Variants in FBXO15 observed in about 807,000 individuals in gnomAD.
FBXO15 encodes F-box protein 15, also known as F-box only protein 15.
In FBXO15, 30 loss-of-function variants were observed where a neutral mutation model predicts 49.5. That is an observed-to-expected ratio of 0.61 (90% confidence interval 0.45 to 0.82). The LOEUF (loss-of-function observed/expected upper bound fraction) is 0.82, where lower values mean the gene tolerates loss of function less well. Among genes scored for constraint, FBXO15 ranks in the 40% least tolerant of loss-of-function variants. The probability of loss-of-function intolerance (pLI) is 0.00; values close to 1 mark genes in which losing one functional copy is unlikely to be tolerated. For missense variants in FBXO15, 591 were observed against 631.5 expected (o/e 0.94, Z 0.69); for synonymous variants, 250 against 232.7 (o/e 1.07, Z -0.68).
chr18:74,129,589 T>A lies in FBXO15; in HGVS notation c.601A>T (p.Ile201Leu). 1 of 1,611,778 alleles carries A rather than the reference T, an allele frequency of 6.2e-7. No individual in the cohort carries two copies. Among genetic ancestry groups the A allele is most frequent in the Non-Finnish European group, 8.5e-7 (1 of 1,179,728 alleles). The part of the protein sequence containing the change: ...LRIFGLGWAI[I>L]LKEKGGKEYI... ...TCTTTTCCACCTTTTTCTTTCAGTATAATTGCCCAACCTAAACCAAATATT... is the reference window on the plus strand; with the variant it reads ...TCTTTTCCACCTTTTTCTTTCAGTAAAATTGCCCAACCTAAACCAAATATT... The change falls in exon 5 of 10, where the codon ATA (isoleucine) becomes TTA (leucine). Residue 201 changes from isoleucine (I) to leucine (L), a missense_variant. Coordinates refer to ENST00000419743, the MANE Select transcript of FBXO15 (RefSeq NM_001142958.2).
chr18:74,086,560 G>A (rs761139839), intron 8 of FBXO15, among the ~76,000 whole-genome samples: 5 of 152,110 alleles, frequency 3.3e-5, no homozygotes, highest in Admixed American at 1.3e-4. Flanking sequence ...ACAGGCGCCC[G>A]CCACCACGCC....
At chr18:74,109,201 C>T (rs1361093651) in intron 8 of FBXO15, among the ~76,000 whole-genome samples, 13 of 152,138 alleles carry the variant, frequency 8.5e-5, no homozygotes, top group Non-Finnish European at 2.9e-5. Context: ...CAAAAGAAGA[C>T]ATTTATACAG....
At chr18:74,082,803 A>G (rs1912563425) in intron 8 of FBXO15, among the ~76,000 whole-genome samples, 1 of 152,254 alleles carries the variant, frequency 6.6e-6, no homozygotes, top group African/African-American at 2.4e-5. Context: ...CGACAGCAAC[A>G]CAACTCATAC....
In FBXO15 at chr18:74,123,465, G is replaced by A. The variant is rs369674506; in HGVS notation, c.1041C>T (p.Pro347=). ...GTTGGTAGCCGTGCAGTCCATACTC[G>A]GGGCTATCATCCAAAAAGGGGCTAT... ...PPHSPFLDDS[P]EYGLHGYQLH... is the part of the protein sequence containing the mutation. Residue 347 remains proline (P), a synonymous_variant, in exon 8 of 10, where the codon CCC becomes CCT. Transcript: ENST00000419743. 37 of 1,613,508 alleles carry A rather than the reference G, an allele frequency of 2.3e-5. No individual in the cohort carries two copies. The highest frequency in any genetic ancestry group is 1.6e-4 in the Middle Eastern group (1 of 6,082).
At position 74,074,912 on chromosome 18, in the gene FBXO15, T is replaced by C. The variant is rs1269445976; in HGVS notation, c.1264-1182A>G. Among the ~76,000 whole-genome samples, 1 of 152,196 alleles carries C rather than the reference T, an allele frequency of 6.6e-6. No individual in the cohort carries two copies. The highest frequency in any genetic ancestry group is 1.5e-5 in the Non-Finnish European group (1 of 68,032). On this transcript the variant is annotated intron_variant, in intron 9 of 9. Transcript: ENST00000419743. The surrounding 1 kb of genome is among the most constrained non-coding windows in gnomAD (Gnocchi z 4.7). ...TCTTCCTTTCCACTTTAGATTTCACTGGCCTTTGCTGGAATAACACTCTTG... is the reference window on the plus strand; with the variant it reads ...TCTTCCTTTCCACTTTAGATTTCACCGGCCTTTGCTGGAATAACACTCTTG...
chr18:74,125,319 C>A (rs73476534), intron 6 of FBXO15, among the ~76,000 whole-genome samples: 2 of 152,164 alleles, frequency 1.3e-5, no homozygotes, highest in Non-Finnish European at 2.9e-5. Flanking sequence ...GAAAAAGTGA[C>A]GGCCACAGTT....
chr18:74,126,931 C>G (rs73476537), intron 5 of FBXO15, among the ~76,000 whole-genome samples: 3 of 152,168 alleles, frequency 2.0e-5, no homozygotes, highest in African/African-American at 7.2e-5. Flanking sequence ...TAAGGAGAGA[C>G]GGTCGGTGAA....
intron 8 of FBXO15, among the ~76,000 whole-genome samples, chr18:74,110,927 C>G (rs1290419084): frequency 6.6e-6 from 1 of 152,062 alleles, no homozygotes; most frequent in East Asian, 1.9e-4. Context: ...ACTAATAGAA[C>G]AGCAAAGAGA....
intron 8 of FBXO15, among the ~76,000 whole-genome samples, chr18:74,090,238 A>T (rs75626534): frequency 6.8e-4 from 103 of 152,110 alleles, no homozygotes; most frequent in African/African-American, 2.4e-3. Flanking sequence ...GGGTTTTTGT[A>T]TTCCTCTAGG....
At chr18:74,140,686 T>G in intron 1 of FBXO15, 1 of 213,556 alleles carries the variant, frequency 4.7e-6, no homozygotes, top group South Asian at 7.9e-5. Flanking sequence ...AGTGAAACCT[T>G]TAGTGTCCTG....
chr18:74,145,851 G>A (rs191343273), intron 1 of FBXO15, among the ~76,000 whole-genome samples: 1 of 152,022 alleles, frequency 6.6e-6, no homozygotes, highest in Non-Finnish European at 1.5e-5. Context: ...GCCCGCCTCC[G>A]CCTCCCAAAG....
intron 8 of FBXO15, among the ~76,000 whole-genome samples, chr18:74,093,984 A>G (rs11876260): frequency 0.23 from 34,539 of 152,186 alleles, 5,189 homozygotes; most frequent in African/African-American, 0.41. Flanking sequence ...TATAAAATGT[A>G]TTGCTTAAAT....
At chr18:74,085,780 T>C (rs952666064) in intron 8 of FBXO15, among the ~76,000 whole-genome samples, 1 of 152,212 alleles carries the variant, frequency 6.6e-6, no homozygotes, top group African/African-American at 2.4e-5. Context: ...TCAACTTATC[T>C]TCTAATTTAC....
At chr18:74,125,946 C>T in intron 6 of FBXO15, 29 bp downstream of exon 6, 2 of 1,611,520 alleles carry the variant, frequency 1.2e-6, no homozygotes, top group Non-Finnish European at 1.7e-6. Context: ...GGGGAAATGA[C>T]ACAGTACATA....
intron 1 of FBXO15, among the ~76,000 whole-genome samples, chr18:74,145,764 A>AT (rs1222246371): frequency 1.3e-5 from 2 of 151,782 alleles, no homozygotes; most frequent in Non-Finnish European, 2.9e-5. Flanking sequence ...TGCCGGGCTA[A>AT]TTTTTTTGTA....
chr18:74,115,438 A>G (rs557847477), intron 8 of FBXO15, among the ~76,000 whole-genome samples: 2 of 152,342 alleles, frequency 1.3e-5, no homozygotes, highest in South Asian at 4.1e-4. Flanking sequence ...ACCAAAGTTC[A>G]TGGGACAGAG....
At chr18:74,119,944 T>C (rs55790358) in intron 8 of FBXO15, among the ~76,000 whole-genome samples, 30,289 of 152,082 alleles carry the variant, frequency 0.2, 3,641 homozygotes, top group African/African-American at 0.33. Flanking sequence ...TGTTCCCCCA[T>C]TTCCCAGGCC....
chr18:74,123,149 T>G (rs1169191206), intron 8 of FBXO15: 16 of 448,384 alleles, frequency 3.6e-5, no homozygotes, highest in African/African-American at 6.1e-5. Context: ...AAGGTGGCAT[T>G]GAGAGTGATG....
At chr18:74,077,485 C>T (rs1912301709) in intron 9 of FBXO15, among the ~76,000 whole-genome samples, 1 of 152,188 alleles carries the variant, frequency 6.6e-6, no homozygotes, top group Middle Eastern at 3.2e-3. Flanking sequence ...GACCTTGCTC[C>T]CTGATGCCTT....
Sources: gnomAD v4.1 joint callset for allele counts (sites outside exome capture counted in the v4.1 genomes callset) on GRCh38, gnomAD v4.1.1 for gene constraint, Gnocchi (gnomAD v3.1) non-coding constraint, MANE v1.5 for transcripts, NCBI Gene and HGNC (gene_info 2026-07-23, HGNC 2026-07-21) for gene names.